ERC2: variants seen among roughly 807,000 people sequenced by gnomAD.
ERC2 encodes the protein ERC protein 2.
A neutral mutation model predicts 114.8 loss-of-function variants in ERC2; 42 were observed. That is an observed-to-expected ratio of 0.37 (90% CI 0.29 to 0.47). ERC2 has a LOEUF of 0.47. Ranked by LOEUF, ERC2 falls within the 20% of genes least tolerant of loss-of-function variation. The pLI is 0.99. For missense variants in ERC2, 939 were observed against 1,150.7 expected (o/e 0.82, Z 2.66); for synonymous variants, 454 against 425.5 (o/e 1.07, Z -0.82).
intron 6 of ERC2, among the ~76,000 whole-genome samples, chr3:56,112,764 T>C (rs2079029899): frequency 6.6e-6 from 1 of 152,122 alleles, no homozygotes; most frequent in Non-Finnish European, 1.5e-5. Context: ...AAAGATAATA[T>C]ATGTTGAAGA....
At chr3:56,111,272 T>A (rs1345777360) in intron 6 of ERC2, among the ~76,000 whole-genome samples, 1 of 151,932 alleles carries the variant, frequency 6.6e-6, no homozygotes, top group African/African-American at 2.4e-5. Context: ...ATGCACTCAA[T>A]CTCTCGCTCC....
At chr3:55,715,273 AG>A (rs2064046365) in intron 15 of ERC2, among the ~76,000 whole-genome samples, 1 of 152,170 alleles carries the variant, frequency 6.6e-6, no homozygotes, top group Admixed American at 6.5e-5. Context: ...CCAAGAATCC[AG>A]GGGACCTCGG....
intron 15 of ERC2, among the ~76,000 whole-genome samples, chr3:55,709,829 G>T (rs2063681724): frequency 6.6e-6 from 1 of 152,174 alleles, no homozygotes; most frequent in Non-Finnish European, 1.5e-5. Context: ...GAGGTGTGGA[G>T]ACAGCCAGGA....
intron 17 of ERC2, among the ~76,000 whole-genome samples, chr3:55,636,137 A>T (rs905993486): frequency 6.6e-6 from 1 of 152,088 alleles, no homozygotes; most frequent in African/African-American, 2.4e-5. Flanking sequence ...CGGCCTCCCA[A>T]AGTGCTGGGA....
intron 12 of ERC2, among the ~76,000 whole-genome samples, chr3:55,970,107 G>A (rs1417484853): frequency 5.3e-5 from 8 of 152,084 alleles, no homozygotes; most frequent in Admixed American, 1.3e-4. Context: ...GTCAAGGTTC[G>A]CTTTATTTTA....
chr3:55,847,461 A>G (rs2061413590), intron 14 of ERC2, among the ~76,000 whole-genome samples: 1 of 152,206 alleles, frequency 6.6e-6, no homozygotes, highest in Admixed American at 6.5e-5. Flanking sequence ...TACACTTGAC[A>G]TCCATTCACA....
At chr3:56,231,275 C>G (rs1169407957) in intron 3 of ERC2, among the ~76,000 whole-genome samples, 1 of 152,232 alleles carries the variant, frequency 6.6e-6, no homozygotes, top group Admixed American at 6.5e-5. Flanking sequence ...CCTCCCTGCC[C>G]TGACCCCAAA....
At chr3:55,878,395 C>A (rs2149299255) in intron 14 of ERC2, among the ~76,000 whole-genome samples, 1 of 152,234 alleles carries the variant, frequency 6.6e-6, no homozygotes, top group Admixed American at 6.5e-5. Flanking sequence ...TCCTCAGGCC[C>A]CCTTCCTCCC....
At chr3:56,251,787 C>T (rs2052172044) in intron 3 of ERC2, among the ~76,000 whole-genome samples, 3 of 152,198 alleles carry the variant, frequency 2.0e-5, no homozygotes, top group African/African-American at 4.8e-5. Context: ...AATCTCTAAA[C>T]GGAGACGTGG....
chr3:56,108,225 A>T (rs1184485941), intron 6 of ERC2, among the ~76,000 whole-genome samples: 1 of 152,162 alleles, frequency 6.6e-6, no homozygotes, highest in Non-Finnish European at 1.5e-5. Context: ...GGGAAATGGA[A>T]GCTCTCTCAA....
intron 14 of ERC2, among the ~76,000 whole-genome samples, chr3:55,752,953 C>T (rs1457483525): frequency 6.6e-6 from 1 of 152,182 alleles, no homozygotes; most frequent in Non-Finnish European, 1.5e-5. Flanking sequence ...GACCGCAGCT[C>T]TACAACTGGT....
chr3:56,045,503 A>G (rs2075410681), intron 7 of ERC2, among the ~76,000 whole-genome samples: 1 of 152,166 alleles, frequency 6.6e-6, no homozygotes, highest in African/African-American at 2.4e-5. Context: ...TACCTGTGCC[A>G]CAAATCCCCT....
chr3:55,754,856 A>G (rs2066948023), intron 14 of ERC2, among the ~76,000 whole-genome samples: 1 of 152,098 alleles, frequency 6.6e-6, no homozygotes, highest in Admixed American at 6.6e-5. Flanking sequence ...TAAAAAAGCT[A>G]AAGTATCTAT....
intron 17 of ERC2, among the ~76,000 whole-genome samples, chr3:55,682,787 A>C (rs746505902): frequency 6.6e-6 from 1 of 152,250 alleles, no homozygotes; most frequent in African/African-American, 2.4e-5. Flanking sequence ...GCACACAATC[A>C]ACCACATTCC....
At position 56,063,270 on chromosome 3, in the gene ERC2, C is replaced by G. The variant is rs551583642; in HGVS notation, c.1641+17547G>C. On this transcript the variant is annotated intron_variant, in intron 7 of 17. Coordinates refer to ENST00000288221, the MANE Select transcript of ERC2 (RefSeq NM_015576.3). ...GCACAAGGGAGGATTACAGAAGTGC[C>G]CCGTGTCATGATTGTGAAGGGGCTT... Among the ~76,000 whole-genome samples, 33 of 152,150 alleles carry G rather than the reference C, an allele frequency of 2.2e-4. No individual in the cohort carries two copies. The South Asian group carries it at 2.9e-3, about 13-fold the overall frequency.
chr3:55,774,824 A>G (rs1291879713), intron 14 of ERC2, among the ~76,000 whole-genome samples: 1 of 152,196 alleles, frequency 6.6e-6, no homozygotes, highest in Non-Finnish European at 1.5e-5. Context: ...CAAACCATTA[A>G]TATTACCTAA....
chr3:56,409,818 A>T (rs1310320978), intron 2 of ERC2, among the ~76,000 whole-genome samples: 1 of 152,094 alleles, frequency 6.6e-6, no homozygotes, highest in African/African-American at 2.4e-5. Context: ...TCTTAATACC[A>T]TTTGTGTAAT....
At chr3:55,962,424 T>C (rs1292491791) in intron 12 of ERC2, among the ~76,000 whole-genome samples, 1 of 152,250 alleles carries the variant, frequency 6.6e-6, no homozygotes. Flanking sequence ...CACTAATATA[T>C]ACACTAACAA....
intron 14 of ERC2, among the ~76,000 whole-genome samples, chr3:55,829,397 C>T (rs9815091): frequency 0.38 from 57,294 of 151,956 alleles, 12,809 homozygotes; most frequent in African/African-American, 0.62. Context: ...AGAATGGAAA[C>T]GGTCATGAAG....
Sources: gnomAD v4.1 joint callset for allele counts (sites outside exome capture counted in the v4.1 genomes callset) on GRCh38, gnomAD v4.1.1 for gene constraint, MANE v1.5 for transcripts, NCBI Gene and HGNC (gene_info 2026-07-23, HGNC 2026-07-21) for gene names.